The following SPMAP2 variants were observed in gnomAD, a reference collection of about 807,000 sequenced individuals.
SPMAP2 encodes Theg homolog.
chr19:374,508 C>T, the SPMAP2 span: 216 of 1,562,364 alleles, frequency 1.4e-4, no homozygotes, highest in African/African-American at 2.4e-3. Flanking sequence ...CTTGCTCAAG[C>T]GCCTTTTGTC....
chr19:367,772 A>G, the SPMAP2 span, among the ~76,000 whole-genome samples: 1 of 152,126 alleles, frequency 6.6e-6, no homozygotes, highest in Non-Finnish European at 1.5e-5. Context: ...GTTACCACAC[A>G]CACACCCCGG....
At chr19:372,678 T>A in the SPMAP2 span, 2 of 1,614,052 alleles carry the variant, frequency 1.2e-6, no homozygotes, top group Non-Finnish European at 8.5e-7. Flanking sequence ...GCCGAGACAG[T>A]TCCTCCACGC....
chr19:364,336 CAAAAAAAAAA>C, the SPMAP2 span, among the ~76,000 whole-genome samples: 1 of 74,130 alleles, frequency 1.3e-5, no homozygotes, highest in Non-Finnish European at 2.4e-5. Context: ...AGCTCTGTCT[CAAAAAAAAAA>C]AAAAAAAAAA....
At chr19:369,355 T>C in the SPMAP2 span, among the ~76,000 whole-genome samples, 222 of 151,636 alleles carry the variant, frequency 1.5e-3, no homozygotes, top group African/African-American at 5.1e-3. Flanking sequence ...GCCCGGAGAA[T>C]GCAAGACGGC....
At chr19:373,843 C>T in the SPMAP2 span, 1 of 1,187,582 alleles carries the variant, frequency 8.4e-7, no homozygotes, top group Non-Finnish European at 1.2e-6. Flanking sequence ...TGATCCTCCT[C>T]CCTGGAGAGA....
the SPMAP2 span, among the ~76,000 whole-genome samples, chr19:368,049 T>C: frequency 8.6e-5 from 13 of 152,004 alleles, no homozygotes; most frequent in African/African-American, 3.1e-4. The surrounding 1 kb of genome is among the most constrained non-coding windows in gnomAD (Gnocchi z 4.1). Context: ...ACCCAGAAAC[T>C]TGGCACCCTT....
chr19:369,228 C>G, the SPMAP2 span, among the ~76,000 whole-genome samples: 2 of 152,160 alleles, frequency 1.3e-5, no homozygotes, highest in African/African-American at 2.4e-5. Context: ...GAAGTTAATG[C>G]CACGCGAGAA....
At chr19:372,021 CT>C in the SPMAP2 span, among the ~76,000 whole-genome samples, 1 of 152,178 alleles carries the variant, frequency 6.6e-6, no homozygotes. Flanking sequence ...TTTAAATTGT[CT>C]TCAGGTCACA....
chr19:362,791 AG>A, the SPMAP2 span, among the ~76,000 whole-genome samples: 26 of 141,956 alleles, frequency 1.8e-4, no homozygotes, highest in Non-Finnish European at 3.8e-4. Flanking sequence ...AAAAAAAAAA[AG>A]CTCCCCCATT....
At chr19:362,108 T>C in the SPMAP2 span, 10,894 of 971,074 alleles carry the variant, frequency 0.011, 90 homozygotes, top group African/African-American at 0.029. Context: ...TTTGGCCTTC[T>C]AGCCCGCCCT....
chr19:369,186 A>G, the SPMAP2 span, among the ~76,000 whole-genome samples: 1 of 152,188 alleles, frequency 6.6e-6, no homozygotes, highest in East Asian at 1.9e-4. Context: ...CCACCATAGG[A>G]GAAGACGCGA....
chr19:371,337 C>A, the SPMAP2 span: 1 of 1,417,152 alleles, frequency 7.1e-7, no homozygotes, highest in Non-Finnish European at 9.4e-7. Context: ...GGGAGGTCCC[C>A]ATTTTAGACC....
At chr19:374,279 G>A in the SPMAP2 span, 758 of 1,612,484 alleles carry the variant, frequency 4.7e-4, 1 homozygote, top group African/African-American at 8.9e-3. Context: ...CTACGAGGCC[G>A]TGGTCTGGCG....
chr19:372,354 G>C, the SPMAP2 span, among the ~76,000 whole-genome samples: 2,217 of 152,366 alleles, frequency 0.015, 57 homozygotes, highest in African/African-American at 0.05. Flanking sequence ...AGCACGCACT[G>C]TGTCAGGCGC....
chr19:372,037 G>A, the SPMAP2 span, among the ~76,000 whole-genome samples: 2 of 152,204 alleles, frequency 1.3e-5, no homozygotes, highest in Non-Finnish European at 2.9e-5. Flanking sequence ...GTCACAGTAT[G>A]ATTTGGCGTT....
At chr19:373,622 A>G in the SPMAP2 span, 2 of 1,225,538 alleles carry the variant, frequency 1.6e-6, no homozygotes, top group East Asian at 5.2e-5. Context: ...AGGGTGGCCG[A>G]GGTGGGGTGT....
At chr19:364,515 T>TAA in the SPMAP2 span, among the ~76,000 whole-genome samples, 2 of 140,272 alleles carry the variant, frequency 1.4e-5, no homozygotes, top group African/African-American at 5.2e-5. Flanking sequence ...ACCCCATCTC[T>TAA]AAAAAAAAAA....
chr19:362,635 G>A, the SPMAP2 span, among the ~76,000 whole-genome samples: 457 of 152,112 alleles, frequency 3.0e-3, no homozygotes, highest in Middle Eastern at 0.027. Context: ...GAGCGTGGTG[G>A]TGCGTCTCTA....
chr19:371,185 G>C, the SPMAP2 span: 2 of 1,380,830 alleles, frequency 1.4e-6, no homozygotes, highest in Admixed American at 2.6e-5. Context: ...GGTGAGTCGC[G>C]GGGGGCACGG....
Sources: gnomAD v4.1 joint callset for allele counts (sites outside exome capture counted in the v4.1 genomes callset) on GRCh38, gnomAD v4.1.1 for gene constraint, Gnocchi (gnomAD v3.1) non-coding constraint, MANE v1.5 for transcripts, NCBI Gene and HGNC (gene_info 2026-07-23, HGNC 2026-07-21) for gene names.